OPA1: variants seen among roughly 807,000 people sequenced by gnomAD.
The protein encoded by OPA1 is OPA1 mitochondrial dynamin like GTPase, also known as dynamin-like GTPase OPA1, mitochondrial.
A neutral mutation model predicts 152.9 loss-of-function variants in OPA1; 59 were observed. The ratio of observed to expected loss-of-function variants is 0.39; its 90% CI spans 0.31 to 0.48. The LOEUF is 0.48. OPA1 is among the 20% of genes least tolerant of loss of function. The pLI is 0.96. For synonymous variants in OPA1, 400 were observed against 389.9 expected (o/e 1.03, Z -0.31); for missense variants, 1,008 against 1,216.8 (o/e 0.83, Z 2.55).
At chr3:193,691,795 A>G in intron 29 of OPA1, 1 of 343,474 alleles carries the variant, frequency 2.9e-6, no homozygotes. Flanking sequence ...CATGTACTTA[A>G]TACATGCTTT....
At chr3:193,670,409 G>A (rs182009601) in intron 29 of OPA1, among the ~76,000 whole-genome samples, 26 of 144,974 alleles carry the variant, frequency 1.8e-4, no homozygotes, top group Admixed American at 1.8e-3. Flanking sequence ...TTTTTGAGAT[G>A]GAGTCTCGCT....
chr3:193,692,232 C>G lies in OPA1; in HGVS notation c.*5+100C>G, dbSNP rs1289862351. 1.3e-5 allele frequency: 9 copies of G among 706,162 alleles called. No homozygotes were observed. In the East Asian group the frequency reaches 2.5e-4, roughly 20 times the overall value. 43.7% of individuals were successfully genotyped at this position (706,162 alleles called of 1,614,324 possible). A position where few individuals can be genotyped will look rare whatever the true frequency, so the allele number is the denominator to read the frequency against. ...TGCTTCATTTACATCCTGCTTGTCACTTATGCTGTAATTTCAATGGCATGA... is the reference window on the plus strand; with the variant it reads ...TGCTTCATTTACATCCTGCTTGTCAGTTATGCTGTAATTTCAATGGCATGA... On this transcript the variant is annotated intron_variant, in intron 30 of 30. Coordinates refer to ENST00000361510, the MANE Select transcript of OPA1 (RefSeq NM_130837.3).
intron 1 of OPA1, among the ~76,000 whole-genome samples, chr3:193,602,591 C>T (rs773727946): frequency 6.6e-6 from 1 of 152,184 alleles, no homozygotes; most frequent in Non-Finnish European, 1.5e-5. Flanking sequence ...TGTTTTCCAA[C>T]AGGATTGAAT....
chr3:193,645,931 G>A (rs1734521592), intron 18 of OPA1, 131 bp downstream of exon 18: 1 of 767,802 alleles, frequency 1.3e-6, no homozygotes. Context: ...TTCCCAAATA[G>A]TGAACTGTAT....
rs1316299925 is a variant in OPA1 at position 193,644,053 on chromosome 3, T to G, written c.1556T>G (p.Phe519Cys). Reference sequence around the variant, plus strand: ...GACCCTCATGGAAGGAGAACCATATTCGTTTTGACCAAAGTAGACCTGGCA... The same window carrying G: ...GACCCTCATGGAAGGAGAACCATATGCGTTTTGACCAAAGTAGACCTGGCA... ...QMDPHGRRTI[F>C]VLTKVDLAEK... Residue 519 changes from phenylalanine to cysteine, a missense_variant, in exon 16 of 31, where the codon TTC becomes TGC. This residue lies in a region of OPA1 where 213 missense variants were observed against 291.4 expected (regional missense o/e 0.73). Transcript: ENST00000361510. The G allele has an allele frequency of 6.2e-7, 1 of 1,613,902 alleles. No homozygotes were observed. Among genetic ancestry groups the G allele is most frequent in the East Asian group, 2.2e-5 (1 of 44,860 alleles).
chr3:193,648,631 G>T, intron 20 of OPA1, 164 bp from the exon 21 acceptor site: 1 of 578,084 alleles, frequency 1.7e-6, no homozygotes, highest in Non-Finnish European at 3.2e-6. Context: ...CTGCATAATG[G>T]CATTCCTAAA....
chr3:193,596,365 A>ATTTTCTTTTC lies in OPA1; in HGVS notation c.32+2973_32+2982dup, dbSNP rs71179314. Among the ~76,000 whole-genome samples, 155 of 68,052 alleles carry ATTTTCTTTTC rather than the reference A, an allele frequency of 2.3e-3. 4 individuals carry two copies. Among genetic ancestry groups the ATTTTCTTTTC allele is most frequent in the African/African-American group, 6.5e-3 (114 of 17,550 alleles). 44.6% of individuals were successfully genotyped at this position (68,052 alleles called of 152,430 possible). ...TCTTTTCTTTTCTTTTCTTTTCTTA[A>ATTTTCTTTTC]TTTTCTTTTCTTTTCTTTTCTTTTC... is the stretch of plus-strand genomic sequence containing the variant. On this transcript the variant is annotated intron_variant, in intron 1 of 30. Transcript: ENST00000361510.
chr3:193,597,838 C>T (rs1480027370), intron 1 of OPA1, among the ~76,000 whole-genome samples: 1 of 151,882 alleles, frequency 6.6e-6, no homozygotes, highest in African/African-American at 2.4e-5. Context: ...GTAATCCCAA[C>T]ACTTTGAAAG....
chr3:193,694,828 A>G lies in OPA1; in HGVS notation c.*228A>G, dbSNP rs577816325. The G allele has an allele frequency of 2.6e-5, 4 of 152,346 alleles. No homozygotes were observed. In the East Asian group the frequency reaches 7.7e-4, roughly 29 times the overall value. The allele number at this position is 152,346 out of a possible 1,614,324, so 9.4% of individuals were successfully genotyped here. ...TCCTATTTTGTTGTACTAAAGTGAC[A>G]AATCGGAATAATATAATTGGTATGG... is the stretch of plus-strand genomic sequence containing the variant. On this transcript the variant is annotated 3_prime_UTR_variant, in exon 31 of 31. Transcript: ENST00000361510.
In OPA1 at chr3:193,645,730, A is replaced by T. The variant is rs778522595; in HGVS notation, c.1684A>T (p.Asn562Tyr). ...ATTTGACCATCATTCTTCCCCAGGG[A>T]ACAGCTCTGAAAGCATTGAAGCTAT... ...GYFAVVTGKGNSSESIEAIRE... is the reference protein window; with the variant it reads ...GYFAVVTGKGYSSESIEAIRE... The change falls in exon 18 of 31, where the codon AAC becomes TAC. Residue 562 changes from asparagine (N) to tyrosine (Y), a missense_variant and splice_region_variant. Around this residue, in one of 7 missense-constraint regions of OPA1, gnomAD observed 213 missense variants for 291.4 expected, o/e 0.73. Transcript: ENST00000361510. 1 of 1,613,644 alleles carries T rather than the reference A, an allele frequency of 6.2e-7. No individual in the cohort carries two copies. The highest frequency in any genetic ancestry group is 1.1e-5 in the South Asian group (1 of 91,058).
intron 18 of OPA1, among the ~76,000 whole-genome samples, 178 bp from the exon 19 acceptor site, chr3:193,646,887 A>C (rs1428945549): frequency 1.3e-5 from 2 of 152,226 alleles, no homozygotes; most frequent in African/African-American, 2.4e-5. Flanking sequence ...TCAATAACCC[A>C]GTGTGCCAGT....
chr3:193,652,391 AAAC>A (rs1712716238), intron 21 of OPA1, among the ~76,000 whole-genome samples: 1 of 150,380 alleles, frequency 6.6e-6, no homozygotes, highest in Non-Finnish European at 1.5e-5. Flanking sequence ...GAAAACAAAC[AAAC>A]AAAAAAAAAA....
chr3:193,604,449 CT>C (rs1255648611), intron 1 of OPA1, among the ~76,000 whole-genome samples: 5 of 152,152 alleles, frequency 3.3e-5, no homozygotes, highest in Non-Finnish European at 7.4e-5. Context: ...CTAAGAAAGC[CT>C]TTTGTCTTTT....
intron 1 of OPA1, among the ~76,000 whole-genome samples, chr3:193,599,318 C>G (rs868000666): frequency 6.6e-6 from 1 of 152,128 alleles, no homozygotes; most frequent in African/African-American, 2.4e-5. Flanking sequence ...TTTTACTCCT[C>G]CTATGAGCCT....
In OPA1 at chr3:193,664,943, A is replaced by C. The variant is rs1716174970; in HGVS notation, c.2725A>C (p.Asn909His). 1.9e-6 allele frequency: 3 copies of C among 1,609,732 alleles called. No individual in the cohort carries two copies. The highest frequency in any genetic ancestry group is 2.5e-6 in the Non-Finnish European group (3 of 1,176,664). ...TTTAAAAACAGCTCTAAACCATTGT[A>C]ACCTTTGTCGAAGAGGTTTTTATTA... ...HFLKTALNHC[N>H]LCRRGFYYYQ... The change falls in exon 27 of 31, where the codon AAC (asparagine) becomes CAC (histidine). Residue 909 changes from asparagine to histidine, a missense_variant. Asn to His is a moderately conservative substitution (Grantham distance 68, BLOSUM62 1). Around this residue, in one of 7 missense-constraint regions of OPA1, gnomAD observed 137 missense variants for 171.0 expected, o/e 0.80. Transcript: ENST00000361510.
intron 4 of OPA1, 109 bp from the exon 5 acceptor site, chr3:193,617,675 C>G: frequency 2.5e-6 from 2 of 810,896 alleles, no homozygotes; most frequent in Non-Finnish European, 4.3e-6. Flanking sequence ...GGCATATTTG[C>G]CCAATTATTG....
intron 11 of OPA1, among the ~76,000 whole-genome samples, chr3:193,638,844 T>C (rs1246216300): frequency 6.6e-6 from 1 of 152,236 alleles, no homozygotes; most frequent in Non-Finnish European, 1.5e-5. Flanking sequence ...CCAAAGTCAG[T>C]ACACTAGAGC....
intron 8 of OPA1, 39 bp downstream of exon 8, chr3:193,631,704 A>G: frequency 6.5e-7 from 1 of 1,542,794 alleles, no homozygotes; most frequent in South Asian, 1.1e-5. Context: ...GACTTTTAAA[A>G]ATTATATTCG....
intron 29 of OPA1, among the ~76,000 whole-genome samples, chr3:193,678,097 T>C (rs1719486704): frequency 6.6e-6 from 1 of 152,236 alleles, no homozygotes; most frequent in African/African-American, 2.4e-5. Context: ...CAATTTCTCT[T>C]AGAACAGCTC....
Sources: allele counts gnomAD v4.1 joint callset (sites outside exome capture counted in the v4.1 genomes callset), GRCh38; gene constraint gnomAD v4.1.1; regional missense constraint gnomAD v4.1.1; transcripts MANE v1.5; gene names NCBI Gene and HGNC (gene_info 2026-07-23, HGNC 2026-07-21).